Variants in CORO7 observed in about 807,000 individuals in gnomAD.
The protein encoded by CORO7 is coronin 7, also known as coronin-7.
A neutral mutation model predicts 126.6 loss-of-function variants in CORO7; 107 were observed. The ratio of observed to expected loss-of-function variants is 0.85; its 90% CI spans 0.72 to 0.99. CORO7 has a LOEUF of 0.99. Ranked by LOEUF, CORO7 falls within the 50% of genes least tolerant of loss-of-function variation. The probability of loss-of-function intolerance (pLI) is 0.00; values close to 1 mark genes in which losing one functional copy is unlikely to be tolerated. For missense variants in CORO7, 1,314 were observed against 1,255.8 expected (o/e 1.05, Z -0.70); for synonymous variants, 603 against 536.8 (o/e 1.12, Z -1.70).
intron 5 of CORO7, 135 bp downstream of exon 5, chr16:4,407,366 A>T: frequency 9.7e-7 from 1 of 1,032,606 alleles, no homozygotes; most frequent in Non-Finnish European, 1.4e-6. Context: ...ATAGAATCTT[A>T]AGACTTTTAT....
rs147491703 is a variant in CORO7 at position 4,364,843 on chromosome 16, C to G, written c.976G>C (p.Glu326Gln). ...PRQALAVMSCEVLRVLQLSDT... is the reference protein window; with the variant it reads ...PRQALAVMSCQVLRVLQLSDT... ...CTCAGCTGTAGGACGCGGAGTACCT[C>G]GCAGCTCATGACGGCCAGCGCCTGC... Residue 326 changes from glutamate to glutamine, a missense_variant, in exon 12 of 28, where the codon GAG (glutamate) becomes CAG (glutamine). Glu to Gln is a conservative substitution (Grantham distance 29). Transcript: ENST00000251166. 198 of 1,612,076 alleles carry G rather than the reference C, an allele frequency of 1.2e-4. No individual in the cohort carries two copies. Among genetic ancestry groups the G allele is most frequent in the Non-Finnish European group, 1.6e-4 (185 of 1,179,858 alleles).
rs1337693950 is a variant in CORO7, at chr16:4,358,594, C to CT, written c.2341-112dup. ...CACTTAGGACCACCATGCCTAGGGCCTGTCCCTGGACAGTAACGTGTTGAT... is the reference window on the plus strand; with the variant it reads ...CACTTAGGACCACCATGCCTAGGGCCTTGTCCCTGGACAGTAACGTGTTGAT... On this transcript the variant is annotated intron_variant, in intron 23 of 27. Transcript: ENST00000251166. 6.1e-6 allele frequency: 6 copies of CT among 990,050 alleles called. No individual in the cohort carries two copies. The East Asian group carries it at 1.5e-4, about 25-fold the overall frequency. 61.3% of individuals were successfully genotyped at this position (990,050 alleles called of 1,614,324 possible). A position where few individuals can be genotyped will look rare whatever the true frequency, so the allele number is the denominator to read the frequency against.
At chr16:4,392,974 C>T (rs115843500) in intron 7 of CORO7, among the ~76,000 whole-genome samples, 214 of 152,342 alleles carry the variant, frequency 1.4e-3, no homozygotes, top group African/African-American at 4.0e-3. Context: ...CCTCTCTCTT[C>T]GAGGAGCTGG....
In CORO7 at chr16:4,357,217, G is replaced by A. The variant is rs1453641042; in HGVS notation, c.2636C>T (p.Ser879Phe). ...CTTTTCTTCCAGGTACTGCGCTGAG[G>A]ATGGGGCCCGACGAGCAGGGGCCTC... is the stretch of plus-strand genomic sequence containing the variant. The part of the protein sequence containing the change: ...PREAPARRAP[S>F]SAQYLEEKSD... The change falls in exon 26 of 28, where the codon TCC (serine) becomes TTC (phenylalanine). Residue 879 changes from serine (S) to phenylalanine (F), a missense_variant. Physicochemically the swap from Ser to Phe is radical, Grantham distance 155 (BLOSUM62 -2). Coordinates refer to ENST00000251166, the MANE Select transcript of CORO7 (RefSeq NM_024535.5). 6.2e-7 allele frequency: 1 copy of A among 1,613,776 alleles called. No homozygotes were observed. Among genetic ancestry groups the A allele is most frequent in the East Asian group, 2.2e-5 (1 of 44,892 alleles).
intron 23 of CORO7, chr16:4,358,813 T>C (rs2054066128): frequency 3.0e-6 from 1 of 328,756 alleles, no homozygotes; most frequent in African/African-American, 2.1e-5. Flanking sequence ...ACATGTGACC[T>C]CAGCACAAAT....
Position 4,416,370 on chromosome 16 carries a change from T to C in CORO7, c.60+89A>G. 6.3e-6 allele frequency: 9 copies of C among 1,424,818 alleles called. No homozygotes were observed. The South Asian group carries it at 1.0e-4, about 16-fold the overall frequency. 88.3% of individuals were successfully genotyped at this position (1,424,818 alleles called of 1,614,324 possible). On this transcript the variant is annotated intron_variant, in intron 1 of 27. Transcript: ENST00000251166. The stretch of plus-strand genomic sequence containing the variant: ...GAGGTCTCGGGGTTCCAGACGGCCC[T>C]GGAGGGCACCCCTGTGGGGTCCGGG...
At chr16:4,414,766 A>G (rs142342636) in intron 1 of CORO7, among the ~76,000 whole-genome samples, 2 of 152,274 alleles carry the variant, frequency 1.3e-5, no homozygotes, top group African/African-American at 4.8e-5. Context: ...GGGCCCCTCA[A>G]GTATTCTCCA....
chr16:4,382,935 C>T (rs752244621), intron 9 of CORO7: 8 of 1,460,098 alleles, frequency 5.5e-6, no homozygotes, highest in Non-Finnish European at 7.2e-6. Flanking sequence ...GCCGGGCTCT[C>T]AGCCAGTGAG....
chr16:4,415,574 A>G, intron 1 of CORO7: 1 of 290,140 alleles, frequency 3.4e-6, no homozygotes. Context: ...GCACAGCATA[A>G]AGTGGAAGCA....
At chr16:4,388,777 TC>T in intron 7 of CORO7, 146 bp from the exon 8 acceptor site, 1 of 880,098 alleles carries the variant, frequency 1.1e-6, no homozygotes, top group Non-Finnish European at 1.7e-6. Context: ...CTTCTCCACG[TC>T]CCCACTGGGA....
At chr16:4,398,763 T>C (rs575240800) in intron 6 of CORO7, among the ~76,000 whole-genome samples, 4 of 148,542 alleles carry the variant, frequency 2.7e-5, no homozygotes, top group African/African-American at 5.0e-5. Context: ...AGGTCAGGAG[T>C]TCAAGACCAG....
chr16:4,358,446 C>T lies in CORO7; in HGVS notation c.2378G>A (p.Arg793Gln), dbSNP rs749821305. 1.1e-5 allele frequency: 18 copies of T among 1,610,352 alleles called. No individual in the cohort carries two copies. Among genetic ancestry groups the T allele is most frequent in the South Asian group, 4.4e-5 (4 of 90,902 alleles). Residue 793 changes from arginine to glutamine, a missense_variant, in exon 24 of 28, where the codon CGG (arginine) becomes CAG (glutamine). By Grantham distance (43) the Arg-to-Gln change is conservative. Transcript: ENST00000251166. ...VLLPKTECDV[R>Q]EVELMRCLRL... ...CAGGCACCGCATCAGCTCCACTTCC[C>T]GCACGTCGCACTCCGTCTTAGGCAG...
chr16:4,407,434 A>C, intron 5 of CORO7, 67 bp downstream of exon 5: 3 of 1,516,636 alleles, frequency 2.0e-6, no homozygotes, highest in Non-Finnish European at 2.7e-6. Flanking sequence ...TAAACATGCC[A>C]ACAAAGAAAC....
chr16:4,411,834 G>A lies in CORO7; in HGVS notation c.232+522C>T, dbSNP rs773732199. On this transcript the variant is annotated intron_variant, in intron 3 of 27. Coordinates refer to ENST00000251166, the MANE Select transcript of CORO7 (RefSeq NM_024535.5). ...CTGGGCTGCTCTGCCTCCATCTGAGGCGAGCAAACTGTTCCCTCGAGGCGG... is the reference window on the plus strand; with the variant it reads ...CTGGGCTGCTCTGCCTCCATCTGAGACGAGCAAACTGTTCCCTCGAGGCGG... 1.2e-3 allele frequency among the ~76,000 whole-genome samples: 189 copies of A among 152,132 alleles called. 1 individual carries two copies. The highest frequency in any genetic ancestry group is 9.1e-4 in the Non-Finnish European group (62 of 67,990).
intron 3 of CORO7, among the ~76,000 whole-genome samples, chr16:4,412,037 G>A (rs2056229942): frequency 6.6e-6 from 1 of 151,852 alleles, no homozygotes; most frequent in Admixed American, 6.6e-5. Context: ...GAAGACGGAG[G>A]GCTCAGAGCC....
chr16:4,361,601 G>A, intron 16 of CORO7, 132 bp from the exon 17 acceptor site: 1 of 1,112,854 alleles, frequency 9.0e-7, no homozygotes, highest in African/African-American at 1.6e-5. Flanking sequence ...GGTGACCCAA[G>A]CTCTCTGCCC....
chr16:4,355,031 G>A lies in CORO7; in HGVS notation c.*127C>T, dbSNP rs558799800. On this transcript the variant is annotated 3_prime_UTR_variant, in exon 28 of 28. Transcript: ENST00000251166. ...GCCCAGAGGATGTGGAAGTGCCCAC[G>A]GGAAGGCAGGAGTGCAGGGGTGACA... 8.3e-5 allele frequency: 90 copies of A among 1,079,216 alleles called. No homozygotes were observed. Among genetic ancestry groups the A allele is most frequent in the Admixed American group, 8.1e-4 (26 of 32,062 alleles). The allele number at this position is 1,079,216 out of a possible 1,614,324, so 66.9% of individuals were successfully genotyped here.
intron 1 of CORO7, chr16:4,415,926 G>A: frequency 1.0e-6 from 1 of 984,764 alleles, no homozygotes. Flanking sequence ...GCGAGAGGAG[G>A]AAGCACCGGC....
intron 5 of CORO7, 86 bp downstream of exon 5, chr16:4,407,415 T>G: frequency 1.4e-6 from 2 of 1,461,414 alleles, no homozygotes; most frequent in South Asian, 1.3e-5. Context: ...GTTTTTAAAT[T>G]TATGTGACTA....
Sources: gnomAD v4.1 joint callset for allele counts (sites outside exome capture counted in the v4.1 genomes callset) on GRCh38, gnomAD v4.1.1 for gene constraint, MANE v1.5 for transcripts, NCBI Gene and HGNC (gene_info 2026-07-23, HGNC 2026-07-21) for gene names.